The following C13orf46 variants were observed in gnomAD, a reference collection of about 807,000 sequenced individuals.
The protein encoded by C13orf46 is chromosome 13 open reading frame 46, also known as uncharacterized protein C13orf46.
downstream of C13orf46, among the ~76,000 whole-genome samples, chr13:113,950,926 C>T (rs968600275): frequency 2.6e-5 from 4 of 152,290 alleles, no homozygotes; most frequent in South Asian, 2.1e-4. Flanking sequence ...CCGGGATGTC[C>T]GTGGCGCTGG....
chr13:113,942,147 T>C, the C13orf46 span, among the ~76,000 whole-genome samples: 1 of 152,166 alleles, frequency 6.6e-6, no homozygotes, highest in Non-Finnish European at 1.5e-5. Context: ...AACCACAGAA[T>C]CCACTACTGT....
the C13orf46 span, among the ~76,000 whole-genome samples, chr13:113,940,427 C>A: frequency 2.9e-4 from 44 of 152,150 alleles, no homozygotes; most frequent in South Asian, 4.1e-4. Flanking sequence ...TGGGGCTCTG[C>A]GTGAGGATGG....
intron 1 of C13orf46, among the ~76,000 whole-genome samples, chr13:113,972,314 C>T (rs1366665839): frequency 3.3e-5 from 5 of 152,206 alleles, no homozygotes; most frequent in South Asian, 4.1e-4. Flanking sequence ...TAACTACTCA[C>T]GCCCCCCAAA....
chr13:113,932,747 T>G, the C13orf46 span, among the ~76,000 whole-genome samples: 2 of 152,240 alleles, frequency 1.3e-5, no homozygotes, highest in Admixed American at 1.3e-4. Flanking sequence ...TTCATGTAGT[T>G]TGAACTTTTT....
At chr13:113,957,597 C>CATA (rs2052549134) in intron 6 of C13orf46, among the ~76,000 whole-genome samples, 3 of 108,672 alleles carry the variant, frequency 2.8e-5, no homozygotes, top group Non-Finnish European at 3.7e-5. Flanking sequence ...TGCACTCTGC[C>CATA]TGCACCCCCT....
At chr13:113,970,845 G>A (rs867825513) in intron 1 of C13orf46, among the ~76,000 whole-genome samples, 5 of 152,156 alleles carry the variant, frequency 3.3e-5, no homozygotes, top group East Asian at 1.9e-4. Flanking sequence ...ACATCAACTC[G>A]GGTGAGCGGT....
At chr13:113,948,935 C>T (rs1594239111), downstream of C13orf46, among the ~76,000 whole-genome samples, 1 of 152,188 alleles carries the variant, frequency 6.6e-6, no homozygotes, top group Non-Finnish European at 1.5e-5. Context: ...TTTGTTTACC[C>T]TAATGAGGTG....
At chr13:113,967,058 AG>A (rs1313312462) in intron 5 of C13orf46, among the ~76,000 whole-genome samples, 10 of 152,266 alleles carry the variant, frequency 6.6e-5, no homozygotes, top group Admixed American at 5.2e-4. Context: ...AGAGGTTCTG[AG>A]GACCCATGGG....
At position 113,956,092 on chromosome 13, in the gene C13orf46, G is replaced by T. The variant is rs1024185857; in HGVS notation, c.*681C>A. ...AGGAGTAGGATCTGGCGGAGAGGTG[G>T]AGTAGTATCTGGCGGAGAGGAGGAG... On this transcript the variant is annotated 3_prime_UTR_variant, in exon 7 of 7. Transcript: ENST00000636427. The T allele has an allele frequency of 6.9e-4, 110 of 159,396 alleles. 1 individual carries two copies. Among genetic ancestry groups the T allele is most frequent in the Admixed American group, 9.1e-4 (14 of 15,310 alleles). 9.9% of individuals were successfully genotyped at this position (159,396 alleles called of 1,614,324 possible). A position where few individuals can be genotyped will look rare whatever the true frequency, so the allele number is the denominator to read the frequency against.
chr13:113,936,451 CG>C, the C13orf46 span, among the ~76,000 whole-genome samples: 13 of 152,174 alleles, frequency 8.5e-5, no homozygotes, highest in African/African-American at 3.1e-4. Context: ...CTCCCTCTTC[CG>C]GGCAAGTCCT....
the C13orf46 span, among the ~76,000 whole-genome samples, chr13:113,937,749 C>T: frequency 7.2e-5 from 11 of 152,068 alleles, no homozygotes; most frequent in Admixed American, 1.3e-4. Context: ...GCTTCCAGGT[C>T]GTAGGTAGAT....
intron 2 of C13orf46, among the ~76,000 whole-genome samples, chr13:113,969,009 G>A (rs1303646628): frequency 6.6e-6 from 1 of 152,230 alleles, no homozygotes; most frequent in Non-Finnish European, 1.5e-5. Context: ...TCTGGACTGG[G>A]ATTACAGCCA....
the C13orf46 span, among the ~76,000 whole-genome samples, chr13:113,934,835 G>GC: frequency 2.0e-5 from 3 of 152,246 alleles, no homozygotes; most frequent in Non-Finnish European, 4.4e-5. Flanking sequence ...CTTGGTAGGT[G>GC]CCCCAGTTAT....
the C13orf46 span, among the ~76,000 whole-genome samples, chr13:113,945,373 A>G: frequency 6.6e-6 from 1 of 151,738 alleles, no homozygotes; most frequent in Admixed American, 6.6e-5. Context: ...GAGAAACCCC[A>G]TCTCTACTAA....
the C13orf46 span, among the ~76,000 whole-genome samples, chr13:113,945,602 AAAGAAGAAAG>A: frequency 1.7e-5 from 2 of 120,734 alleles, no homozygotes; most frequent in Non-Finnish European, 3.6e-5. Context: ...AGAAAGAAAG[AAAGAAGAAAG>A]AAAGAAAGAA....
intron 2 of C13orf46, among the ~76,000 whole-genome samples, chr13:113,969,810 C>T (rs1193966952): frequency 6.6e-6 from 1 of 152,142 alleles, no homozygotes; most frequent in Non-Finnish European, 1.5e-5. Flanking sequence ...TTGTTTACAT[C>T]TAAGGTGGGC....
the C13orf46 span, among the ~76,000 whole-genome samples, chr13:113,946,227 G>A: frequency 6.6e-6 from 1 of 152,146 alleles, no homozygotes; most frequent in Non-Finnish European, 1.5e-5. Flanking sequence ...ACTCCCCACC[G>A]GCCAATTGGA....
At chr13:113,944,582 G>A in the C13orf46 span, among the ~76,000 whole-genome samples, 1 of 151,254 alleles carries the variant, frequency 6.6e-6, no homozygotes, top group Admixed American at 6.6e-5. Flanking sequence ...CTCCAGGTGT[G>A]TGACGGGCTC....
intron 5 of C13orf46, among the ~76,000 whole-genome samples, chr13:113,966,415 G>A (rs1442284398): frequency 2.6e-5 from 4 of 151,462 alleles, no homozygotes. Context: ...TGATGATGAT[G>A]ATGATGTGAT....
Sources: gnomAD v4.1 joint callset for allele counts (sites outside exome capture counted in the v4.1 genomes callset) on GRCh38, gnomAD v4.1.1 for gene constraint, MANE v1.5 for transcripts, NCBI Gene and HGNC (gene_info 2026-07-23, HGNC 2026-07-21) for gene names.